FYB2: variants seen among roughly 807,000 people sequenced by gnomAD.
FYB2 encodes FYN-binding protein 2.
Under a neutral mutation model 94.1 loss-of-function variants are expected in FYB2, and 103 were observed. The ratio of observed to expected loss-of-function variants is 1.09; its 90% CI spans 0.93 to 1.29. The LOEUF (loss-of-function observed/expected upper bound fraction) is 1.29, where lower values mean the gene tolerates loss of function less well. Among genes scored for constraint, FYB2 ranks in the 50% most tolerant of loss-of-function variants. FYB2 has a pLI of 0.00. For missense variants in FYB2, 896 were observed against 841.5 expected (o/e 1.06, Z -0.80); for synonymous variants, 293 against 287.9 (o/e 1.02, Z -0.18).
At chr1:56,793,993 A>G (rs1171812227) in intron 1 of FYB2, among the ~76,000 whole-genome samples, 1 of 152,196 alleles carries the variant, frequency 6.6e-6, no homozygotes, top group Non-Finnish European at 1.5e-5. Context: ...GTTGTCAAAC[A>G]GTAGCAGTAT....
chr1:56,733,351 A>G (rs1644754475), intron 15 of FYB2, among the ~76,000 whole-genome samples: 1 of 152,014 alleles, frequency 6.6e-6, no homozygotes, highest in Non-Finnish European at 1.5e-5. Flanking sequence ...CTAGTGGTCT[A>G]TCAATTTTGT....
upstream of FYB2, among the ~76,000 whole-genome samples, chr1:56,822,905 C>T (rs184255523): frequency 1.3e-5 from 2 of 152,078 alleles, no homozygotes; most frequent in African/African-American, 4.8e-5. Context: ...GCTAGAGTAA[C>T]CTATTATTAA....
At chr1:56,781,205 T>C (rs1350278313) in intron 4 of FYB2, among the ~76,000 whole-genome samples, 1 of 152,214 alleles carries the variant, frequency 6.6e-6, no homozygotes, top group Admixed American at 6.5e-5. Flanking sequence ...TGTTATTAAG[T>C]AGAAAACAAG....
At chr1:56,747,394 C>T (rs1254625553) in intron 9 of FYB2, among the ~76,000 whole-genome samples, 2 of 152,074 alleles carry the variant, frequency 1.3e-5, no homozygotes, top group East Asian at 3.9e-4. Flanking sequence ...TGTCCTAATG[C>T]TCTCTGTCCC....
chr1:56,809,039 C>G (rs1021323129), intron 1 of FYB2, among the ~76,000 whole-genome samples: 6 of 152,156 alleles, frequency 3.9e-5, no homozygotes, highest in African/African-American at 4.8e-5. Context: ...TACAATAGTT[C>G]TACATCACTA....
chr1:56,825,650 A>T, the FYB2 span, among the ~76,000 whole-genome samples: 1 of 152,174 alleles, frequency 6.6e-6, no homozygotes, highest in South Asian at 2.1e-4. Context: ...AAAAATAGGG[A>T]ATACAATAAC....
At chr1:56,772,737 T>C (rs911528575) in intron 4 of FYB2, among the ~76,000 whole-genome samples, 10 of 152,156 alleles carry the variant, frequency 6.6e-5, no homozygotes, top group African/African-American at 2.4e-4. Context: ...TAAGCCTCCA[T>C]TTCCTGCTCT....
intron 5 of FYB2, among the ~76,000 whole-genome samples, chr1:56,760,299 G>A (rs2100761505): frequency 6.6e-6 from 1 of 152,184 alleles, no homozygotes; most frequent in East Asian, 1.9e-4. Flanking sequence ...TTAGAAAACT[G>A]ACTGAACAAT....
chr1:56,815,431 A>C (rs1162936192), intron 1 of FYB2, among the ~76,000 whole-genome samples: 1 of 151,860 alleles, frequency 6.6e-6, no homozygotes, highest in African/African-American at 2.4e-5. Flanking sequence ...TTTCCTTGAC[A>C]CTCTTCCCGG....
At chr1:56,790,547 C>T (rs949047090) in intron 2 of FYB2, among the ~76,000 whole-genome samples, 1 of 152,208 alleles carries the variant, frequency 6.6e-6, no homozygotes, top group Non-Finnish European at 1.5e-5. Flanking sequence ...TCCCATACAT[C>T]TTTCTTCCCA....
At chr1:56,724,117 T>G (rs1380282895) in intron 16 of FYB2, among the ~76,000 whole-genome samples, 1 of 151,918 alleles carries the variant, frequency 6.6e-6, no homozygotes, top group African/African-American at 2.4e-5. Flanking sequence ...TTCAGACTAT[T>G]TAATGGAAAC....
At chr1:56,736,389 A>G (rs1644830701) in intron 15 of FYB2, among the ~76,000 whole-genome samples, 1 of 151,016 alleles carries the variant, frequency 6.6e-6, no homozygotes, top group South Asian at 2.1e-4. Flanking sequence ...ATAAATAATA[A>G]GTGACTGGAG....
intron 4 of FYB2, among the ~76,000 whole-genome samples, chr1:56,773,865 G>A (rs1014607396): frequency 6.6e-6 from 1 of 152,096 alleles, no homozygotes; most frequent in Admixed American, 6.6e-5. Flanking sequence ...CATTCTACAG[G>A]TTCCTGGTGA....
At chr1:56,755,809 C>T (rs1358913135) in intron 7 of FYB2, 87 bp downstream of exon 7, 26 of 1,323,900 alleles carry the variant, frequency 2.0e-5, no homozygotes, top group Non-Finnish European at 2.6e-5. Context: ...AGTTTGGAAA[C>T]ATAGCTGGCC....
At position 56,789,143 on chromosome 1, in the gene FYB2, A is replaced by T. The variant is rs1354768927; in HGVS notation, c.758-9T>A. ...GACATCTGGCTGTTTTTCTGAACAC[A>T]AGACAGTAAAAAATGTAAGTTATGA... On this transcript the variant is annotated splice_polypyrimidine_tract_variant and intron_variant, in intron 2 of 19. Coordinates refer to ENST00000343433, the MANE Select transcript of FYB2 (RefSeq NM_001004303.5). The T allele has an allele frequency of 1.9e-6, 3 of 1,546,700 alleles. No homozygotes were observed. The highest frequency in any genetic ancestry group is 2.6e-6 in the Non-Finnish European group (3 of 1,151,292).
intron 13 of FYB2, among the ~76,000 whole-genome samples, chr1:56,739,016 G>C (rs1644891772): frequency 1.3e-5 from 2 of 152,018 alleles, no homozygotes; most frequent in East Asian, 1.9e-4. Context: ...AAAGCATGGA[G>C]GCATGAGACA....
At chr1:56,820,085 G>T (rs1646972399), upstream of FYB2, among the ~76,000 whole-genome samples, 1 of 152,176 alleles carries the variant, frequency 6.6e-6, no homozygotes, top group African/African-American at 2.4e-5. Flanking sequence ...AAAAAAATTA[G>T]CCAGGTGTGG....
intron 6 of FYB2, 46 bp downstream of exon 6, chr1:56,758,670 T>A: frequency 1.4e-6 from 2 of 1,448,580 alleles, no homozygotes; most frequent in South Asian, 2.5e-5. Context: ...CAACCTTGCA[T>A]GCTTATTTTA....
At position 56,720,215 on chromosome 1, in the gene FYB2, T is replaced by G; in HGVS notation, c.2089A>C (p.Thr697Pro). 6.2e-7 allele frequency: 1 copy of G among 1,611,836 alleles called. No individual in the cohort carries two copies. The highest frequency in any genetic ancestry group is 8.5e-7 in the Non-Finnish European group (1 of 1,178,964). Residue 697 changes from threonine (T) to proline (P), a missense_variant, in exon 18 of 20, where the codon ACC becomes CCC. Physicochemically the swap from Thr to Pro is conservative, Grantham distance 38. Transcript: ENST00000343433. Reference sequence around the variant, plus strand: ...CGACATATCACTAGATTTTGTTCGGTGGTATCAATGACTTCCAATTCTTCT... The same window carrying G: ...CGACATATCACTAGATTTTGTTCGGGGGTATCAATGACTTCCAATTCTTCT... Reference protein sequence around the residue: ...PGEELEVIDTTEQNLVICRNS... With the variant: ...PGEELEVIDTPEQNLVICRNS...
Sources: allele counts gnomAD v4.1 joint callset (sites outside exome capture counted in the v4.1 genomes callset), GRCh38; gene constraint gnomAD v4.1.1; transcripts MANE v1.5; gene names NCBI Gene and HGNC (gene_info 2026-07-23, HGNC 2026-07-21).